Variants in CACNA1C observed in about 807,000 individuals in gnomAD.
CACNA1C encodes the protein voltage-dependent L-type calcium channel subunit alpha-1C.
CACNA1C carries 30 observed loss-of-function variants against 229.0 expected under a neutral mutation model. The ratio of observed to expected loss-of-function variants is 0.13; its 90% CI spans 0.10 to 0.18. The LOEUF is 0.18. CACNA1C is among the 10% of genes least tolerant of loss of function. CACNA1C has a pLI of 1.00. For missense variants in CACNA1C, 1,658 were observed against 2,845.0 expected (o/e 0.58, Z 9.49); for synonymous variants, 1,114 against 1,132.5 (o/e 0.98, Z 0.33).
chr12:2,435,903 G>A (rs964421314), intron 3 of CACNA1C, among the ~76,000 whole-genome samples: 3 of 152,314 alleles, frequency 2.0e-5, no homozygotes, highest in Middle Eastern at 6.8e-3. Flanking sequence ...CATCCCAAAC[G>A]AGCAGTGGAC....
At chr12:2,331,606 C>T (rs945564209) in intron 3 of CACNA1C, among the ~76,000 whole-genome samples, 7 of 152,216 alleles carry the variant, frequency 4.6e-5, no homozygotes, top group African/African-American at 1.4e-4. Context: ...TACCGACATA[C>T]GGAAGTTAGT....
intron 3 of CACNA1C, among the ~76,000 whole-genome samples, chr12:2,417,028 A>G (rs74059847): frequency 0.024 from 3,722 of 152,032 alleles, 145 homozygotes; most frequent in African/African-American, 0.085. Flanking sequence ...TTCCGTACAC[A>G]CCTCTCTTAA....
chr12:2,024,168 T>C (rs1334077190), intron 1 of CACNA1C, among the ~76,000 whole-genome samples: 2 of 152,226 alleles, frequency 1.3e-5, no homozygotes, highest in African/African-American at 2.4e-5. Context: ...TTTACTGCAC[T>C]GCAAGCCCTG....
At chr12:2,191,542 A>G (rs975641248) in intron 3 of CACNA1C, among the ~76,000 whole-genome samples, 2 of 152,104 alleles carry the variant, frequency 1.3e-5, no homozygotes, top group African/African-American at 2.4e-5. Context: ...ACATACACAC[A>G]TGGACACATT....
At chr12:2,230,617 C>T (rs1011186890) in intron 3 of CACNA1C, among the ~76,000 whole-genome samples, 86 of 152,230 alleles carry the variant, frequency 5.6e-4, no homozygotes, top group Non-Finnish European at 1.1e-3. Flanking sequence ...GGGCTCTTCC[C>T]GCGCCTGATC....
intron 1 of CACNA1C, among the ~76,000 whole-genome samples, chr12:2,015,243 C>T (rs898811728): frequency 6.6e-6 from 1 of 152,222 alleles, no homozygotes; most frequent in Admixed American, 6.5e-5. Flanking sequence ...CGTTGGGCTA[C>T]ATTTATCCTC....
intron 3 of CACNA1C, among the ~76,000 whole-genome samples, chr12:2,409,053 GTCT>G (rs1304238910): frequency 6.6e-6 from 1 of 152,120 alleles, no homozygotes; most frequent in Non-Finnish European, 1.5e-5. Context: ...GCTGATCCTT[GTCT>G]TCTTGTCCTG....
chr12:2,334,905 G>A (rs1025270380), intron 3 of CACNA1C, among the ~76,000 whole-genome samples: 3 of 152,124 alleles, frequency 2.0e-5, no homozygotes, highest in Admixed American at 6.5e-5. Flanking sequence ...AGATAAGACC[G>A]TAACGCCTTT....
intron 29 of CACNA1C, among the ~76,000 whole-genome samples, chr12:2,628,974 C>T (rs894622877): frequency 2.6e-5 from 4 of 152,094 alleles, no homozygotes; most frequent in African/African-American, 7.2e-5. Flanking sequence ...CGGATAGAGT[C>T]GGTATAAAGA....
At chr12:2,106,441 G>A (rs867007961) in intron 1 of CACNA1C, among the ~76,000 whole-genome samples, 2 of 97,984 alleles carry the variant, frequency 2.0e-5, no homozygotes, top group Admixed American at 9.4e-5. Context: ...CCCTGGGGAG[G>A]GTTTCCACCT....
chr12:2,639,954 A>G lies in CACNA1C; in HGVS notation c.3912+5574A>G, dbSNP rs1312955311. 1.3e-5 allele frequency among the ~76,000 whole-genome samples: 2 copies of G among 152,172 alleles called. No homozygotes were observed. The highest frequency in any genetic ancestry group is 1.5e-5 in the Non-Finnish European group (1 of 68,032). On this transcript the variant is annotated intron_variant, in intron 30 of 46. Coordinates refer to ENST00000399655, the MANE Select transcript of CACNA1C (RefSeq NM_000719.7). This position sits in a 1 kb window ranked among gnomAD's most constrained non-coding sequence, Gnocchi z 4.2. ...AACACTGGCCCTGGAGCTTCTGGGCACAGCTCTCAGGAGGAATTGCTGGAG... is the reference window on the plus strand; with the variant it reads ...AACACTGGCCCTGGAGCTTCTGGGCGCAGCTCTCAGGAGGAATTGCTGGAG...
At position 2,646,758 on chromosome 12, in the gene CACNA1C, G is replaced by A. The variant is rs2094399252; in HGVS notation, c.3913-1717G>A. Among the ~76,000 whole-genome samples, 1 of 88,834 alleles carries A rather than the reference G, an allele frequency of 1.1e-5. No individual in the cohort carries two copies. Among genetic ancestry groups the A allele is most frequent in the Non-Finnish European group, 2.1e-5 (1 of 46,708 alleles). The allele number at this position is 88,834 out of a possible 152,430, so 58.3% of individuals were successfully genotyped here. A position where few individuals can be genotyped will look rare whatever the true frequency, so the allele number is the denominator to read the frequency against. The stretch of plus-strand genomic sequence containing the variant: ...CTTCTGTGCATGCCTGTATGAGAGA[G>A]AGAGAGAGAAAGAGAGAGAGAGAGA... On this transcript the variant is annotated intron_variant, in intron 30 of 46. Coordinates refer to ENST00000399655, the MANE Select transcript of CACNA1C (RefSeq NM_000719.7). This position sits in a 1 kb window ranked among gnomAD's most constrained non-coding sequence, Gnocchi z 4.6.
rs370325743 is a variant in CACNA1C, at chr12:2,525,617, C to T, written c.1390+12633C>T. Reference sequence around the variant, plus strand: ...GCAGTCCCCTTACCCTAAAAGGTGCCACATGGAGAATTCCAAGCAACTCAG... The same window carrying T: ...GCAGTCCCCTTACCCTAAAAGGTGCTACATGGAGAATTCCAAGCAACTCAG... On this transcript the variant is annotated intron_variant, in intron 9 of 46. Transcript: ENST00000399655. Among the ~76,000 whole-genome samples the T allele has an allele frequency of 1.0e-4, 15 of 149,018 alleles. 1 individual carries two copies. The East Asian group carries it at 2.3e-3, about 23-fold the overall frequency.
chr12:2,493,577 C>T lies in CACNA1C; in HGVS notation c.1113+191C>T, dbSNP rs372431418. 5.9e-5 allele frequency among the ~76,000 whole-genome samples: 9 copies of T among 152,146 alleles called. No individual in the cohort carries two copies. In the East Asian group the frequency reaches 7.8e-4, roughly 13 times the overall value. ...ACAAGGCATGAGCTTTTCACCCTAACGAGTCCCCTCCCCCACCCGCCAGCC... is the reference window on the plus strand; with the variant it reads ...ACAAGGCATGAGCTTTTCACCCTAATGAGTCCCCTCCCCCACCCGCCAGCC... On this transcript the variant is annotated intron_variant, in intron 7 of 46. Coordinates refer to ENST00000399655, the MANE Select transcript of CACNA1C (RefSeq NM_000719.7). The surrounding 1 kb of genome is among the most constrained non-coding windows in gnomAD (Gnocchi z 4.6).
intron 3 of CACNA1C, among the ~76,000 whole-genome samples, chr12:2,261,272 A>G (rs983918115): frequency 1.3e-5 from 2 of 152,180 alleles, no homozygotes; most frequent in Admixed American, 6.5e-5. Flanking sequence ...AACTGATTGC[A>G]TGTTAACATA....
At chr12:2,466,246 T>C (rs997501069) in intron 5 of CACNA1C, among the ~76,000 whole-genome samples, 4 of 152,164 alleles carry the variant, frequency 2.6e-5, no homozygotes, top group African/African-American at 9.7e-5. Context: ...CTGTCTGAAA[T>C]TTGCTGTTGG....
At chr12:2,080,235 C>G (rs1336294778) in intron 1 of CACNA1C, among the ~76,000 whole-genome samples, 1 of 150,068 alleles carries the variant, frequency 6.7e-6, no homozygotes, top group Non-Finnish European at 1.5e-5. Context: ...GCACTCCAGA[C>G]TGGATGACAG....
chr12:2,459,860 G>A (rs2099487564), intron 5 of CACNA1C, among the ~76,000 whole-genome samples: 1 of 152,190 alleles, frequency 6.6e-6, no homozygotes, highest in African/African-American at 2.4e-5. Flanking sequence ...TATTTATTAG[G>A]GGCCTGCAAT....
chr12:2,420,102 G>GTGTGTGTGTGTGT (rs1447860516), intron 3 of CACNA1C, among the ~76,000 whole-genome samples: 1 of 125,494 alleles, frequency 8.0e-6, no homozygotes, highest in East Asian at 2.3e-4. Flanking sequence ...TAGGCAAAAT[G>GTGTGTGTGTGTGT]GTGTGTGTGT....
Sources: allele counts gnomAD v4.1 joint callset (sites outside exome capture counted in the v4.1 genomes callset), GRCh38; gene constraint gnomAD v4.1.1; non-coding constraint Gnocchi (gnomAD v3.1); transcripts MANE v1.5; gene names NCBI Gene and HGNC (gene_info 2026-07-23, HGNC 2026-07-21).